The following PTPRB variants were observed in gnomAD, a reference collection of about 807,000 sequenced individuals.
PTPRB encodes the protein receptor-type tyrosine-protein phosphatase beta.
In PTPRB, 97 loss-of-function variants were observed where a neutral mutation model predicts 238.1. That is an observed-to-expected ratio of 0.41 (90% CI 0.35 to 0.48). PTPRB has a LOEUF of 0.48. PTPRB is among the 20% of genes least tolerant of loss of function. The pLI is 0.30. For missense variants in PTPRB, 2,292 were observed against 2,681.9 expected, an observed-to-expected ratio of 0.85 and a Z score of 3.21; for synonymous variants, 970 against 995.4, an observed-to-expected ratio of 0.97 and a Z score of 0.48.
At chr12:70,567,395 C>T (rs11609607) in intron 14 of PTPRB, among the ~76,000 whole-genome samples, 30,295 of 152,066 alleles carry the variant, frequency 0.2, 3,213 homozygotes, top group African/African-American at 0.27. Context: ...ACACTCAAGA[C>T]GTCCAAATTG....
rs768615264 is a variant in PTPRB, at chr12:70,592,595, G to A, written c.1517-50C>T. 8.3e-6 allele frequency: 13 copies of A among 1,558,498 alleles called. No homozygotes were observed. The South Asian group carries it at 1.5e-4, about 18-fold the overall frequency. On this transcript the variant is annotated intron_variant, in intron 6 of 33. Coordinates refer to ENST00000334414, the MANE Select transcript of PTPRB (RefSeq NM_001109754.4). ...GACTTTTACTCAGGATCTCTCACAAGTCCTATGGCCAAATTTTGACCTGTA... is the reference window on the plus strand; with the variant it reads ...GACTTTTACTCAGGATCTCTCACAAATCCTATGGCCAAATTTTGACCTGTA...
intron 3 of PTPRB, chr12:70,609,743 C>T (rs1202309743): frequency 1.3e-6 from 2 of 1,558,618 alleles, no homozygotes; most frequent in South Asian, 2.4e-5. Context: ...AGCTCTGACC[C>T]CTTCTCGGGC....
At chr12:70,564,891 A>G (rs1296282571) in intron 15 of PTPRB, among the ~76,000 whole-genome samples, 1 of 142,244 alleles carries the variant, frequency 7.0e-6, no homozygotes, top group African/African-American at 2.7e-5. Context: ...ATAATAATAA[A>G]TAGATAGATA....
At chr12:70,623,102 G>A (rs1375965676) in intron 2 of PTPRB, among the ~76,000 whole-genome samples, 5 of 152,132 alleles carry the variant, frequency 3.3e-5, no homozygotes, top group South Asian at 2.1e-4. Flanking sequence ...AAAATACCAG[G>A]TTGAGAATCA....
At position 70,622,567 on chromosome 12, in the gene PTPRB, A is replaced by C. The variant is rs538998848; in HGVS notation, c.531T>G (p.Val177=). The change falls in exon 3 of 34, where the codon GTT becomes GTG. Residue 177 remains valine (V), a synonymous_variant. Coordinates refer to ENST00000334414, the MANE Select transcript of PTPRB (RefSeq NM_001109754.4). ...PPQILTTFNA[V]PDGLVFLIRN... The stretch of plus-strand genomic sequence containing the variant: ...TAATAAGGAATACCAGGCCATCTGG[A>C]ACTGCATTAAAGGTAGTGAGAATCT... 20 of 1,599,832 alleles carry C rather than the reference A, an allele frequency of 1.3e-5. No homozygotes were observed. The highest frequency in any genetic ancestry group is 1.2e-4 in the Admixed American group (7 of 57,294).
intron 20 of PTPRB, among the ~76,000 whole-genome samples, chr12:70,554,917 T>G (rs532434419): frequency 6.6e-6 from 1 of 152,352 alleles, no homozygotes; most frequent in South Asian, 2.1e-4. Flanking sequence ...ATCGTTGTGG[T>G]TGCTATTATC....
intron 18 of PTPRB, among the ~76,000 whole-genome samples, chr12:70,557,027 G>A (rs887630117): frequency 6.6e-5 from 10 of 152,170 alleles, no homozygotes; most frequent in Non-Finnish European, 1.5e-4. Flanking sequence ...CAGAAGAAAT[G>A]GTGAGAGAAG....
chr12:70,573,528 A>G (rs1414175319), intron 11 of PTPRB, among the ~76,000 whole-genome samples: 1 of 120,328 alleles, frequency 8.3e-6, no homozygotes, highest in Admixed American at 9.8e-5. Context: ...TTTTTTTGAG[A>G]CAGAATCTCA....
At position 70,519,027 on chromosome 12, in the gene PTPRB, T is replaced by C. The variant is rs1307444756; in HGVS notation, c.*2462A>G. On this transcript the variant is annotated 3_prime_UTR_variant, in exon 34 of 34. Transcript: ENST00000334414. The stretch of plus-strand genomic sequence containing the variant: ...CTAAATTTAATAAATAAGTCAATTA[T>C]ATATTTAGTCTTCCCAGGAGTAGGA... 1 of 152,194 alleles carries C rather than the reference T, an allele frequency of 6.6e-6. No homozygotes were observed. Among genetic ancestry groups the C allele is most frequent in the African/African-American group, 2.4e-5 (1 of 41,460 alleles). The allele number at this position is 152,194 out of a possible 1,614,324, so 9.4% of individuals were successfully genotyped here.
intron 10 of PTPRB, 48 bp downstream of exon 10, chr12:70,580,986 CAT>C: frequency 7.0e-6 from 11 of 1,570,124 alleles, no homozygotes; most frequent in Non-Finnish European, 9.5e-6. Context: ...TTAGGGGTCT[CAT>C]GTACTCAGAT....
chr12:70,536,217 A>G, intron 28 of PTPRB, 58 bp from the exon 29 acceptor site: 1 of 1,549,514 alleles, frequency 6.5e-7, no homozygotes, highest in East Asian at 2.3e-5. Flanking sequence ...AGAACTATAA[A>G]CAAAGAGTTC....
rs1208291943 is a variant in PTPRB, at chr12:70,605,797, A to C, written c.979+3272T>G. Among the ~76,000 whole-genome samples, 5 of 152,188 alleles carry C rather than the reference A, an allele frequency of 3.3e-5. No individual in the cohort carries two copies. The East Asian group carries it at 9.6e-4, about 29-fold the overall frequency. ...CACAAACACTACATGAGCCAAACAC[A>C]ACATAGTTATTATTTAGACACCTAG... On this transcript the variant is annotated intron_variant, in intron 4 of 33. Transcript: ENST00000334414.
chr12:70,566,196 C>T (rs943188835), intron 15 of PTPRB, among the ~76,000 whole-genome samples: 1 of 152,150 alleles, frequency 6.6e-6, no homozygotes, highest in Non-Finnish European at 1.5e-5. Context: ...TTTATTATAG[C>T]AGCAATAGGA....
intron 17 of PTPRB, among the ~76,000 whole-genome samples, 159 bp from the exon 18 acceptor site, chr12:70,559,783 ATT>A (rs1878225555): frequency 1.4e-5 from 2 of 148,088 alleles, no homozygotes; most frequent in Non-Finnish European, 3.0e-5. Flanking sequence ...AATAGTGTTT[ATT>A]ATGTGTAAGG....
At position 70,556,133 on chromosome 12, in the gene PTPRB, T is replaced by C; in HGVS notation, c.4730A>G (p.Gln1577Arg). Residue 1577 changes from glutamine to arginine, a missense_variant, in exon 19 of 34, where the codon CAA (glutamine) becomes CGA (arginine). Transcript: ENST00000334414. ...GSVRTKPDKI[Q>R]NLHCRPQNST... ...GTTCTGAGGCCGGCAATGCAGGTTT[T>C]GTATCTTGTCAGGCTCTAAAGGAAA... 2 of 1,613,446 alleles carry C rather than the reference T, an allele frequency of 1.2e-6. No individual in the cohort carries two copies. The highest frequency in any genetic ancestry group is 1.7e-6 in the Non-Finnish European group (2 of 1,179,524).
chr12:70,521,255 C>T lies in PTPRB; in HGVS notation c.*234G>A. 2.6e-6 allele frequency: 1 copy of T among 391,248 alleles called. No individual in the cohort carries two copies. The highest frequency in any genetic ancestry group is 4.5e-6 in the Non-Finnish European group (1 of 220,762). The allele number at this position is 391,248 out of a possible 1,614,324, so 24.2% of individuals were successfully genotyped here. A position where few individuals can be genotyped will look rare whatever the true frequency, so the allele number is the denominator to read the frequency against. On this transcript the variant is annotated 3_prime_UTR_variant, in exon 34 of 34. Transcript: ENST00000334414. ...TGTGGAAAAATAGTATTATATAAAG[C>T]TTAATATTAAACATTATGAAAAATA...
intron 1 of PTPRB, among the ~76,000 whole-genome samples, chr12:70,636,765 A>G (rs903082177): frequency 6.6e-6 from 1 of 152,216 alleles, no homozygotes; most frequent in African/African-American, 2.4e-5. Flanking sequence ...TTTTCTAAAA[A>G]TCATCATGTG....
rs760546488 is a variant in PTPRB, at chr12:70,592,422, G to A, written c.1640C>T (p.Thr547Ile). 1 of 1,613,762 alleles carries A rather than the reference G, an allele frequency of 6.2e-7. No individual in the cohort carries two copies. The highest frequency in any genetic ancestry group is 8.5e-7 in the Non-Finnish European group (1 of 1,179,844). ...SYNITLSHKG[T>I]IKESRVLAPW... ...TGCTAATACTCTGGATTCCTTGATG[G>A]TCCCTTTGTGAGACAGGGTGATATT... The change falls in exon 7 of 34, where the codon ACC (threonine) becomes ATC (isoleucine). Residue 547 changes from threonine to isoleucine, a missense_variant. Physicochemically the swap from Thr to Ile is moderately conservative, Grantham distance 89. Around this residue, in one of 4 missense-constraint regions of PTPRB, gnomAD observed 1,205 missense variants for 1,287.8 expected, o/e 0.94. Transcript: ENST00000334414.
At position 70,553,067 on chromosome 12, in the gene PTPRB, G is replaced by A. The variant is rs1176826013; in HGVS notation, c.5144-47C>T. The A allele has an allele frequency of 1.9e-6, 3 of 1,568,658 alleles. No individual in the cohort carries two copies. In the Admixed American group the frequency reaches 5.5e-5, roughly 29 times the overall value. ...TAAGGACTGCCTTTCTTGTGACTTA[G>A]GTGATTTCAGTGATTTTAAATTAGG... On this transcript the variant is annotated intron_variant, in intron 20 of 33. Coordinates refer to ENST00000334414, the MANE Select transcript of PTPRB (RefSeq NM_001109754.4).
Sources: allele counts gnomAD v4.1 joint callset (sites outside exome capture counted in the v4.1 genomes callset), GRCh38; gene constraint gnomAD v4.1.1; regional missense constraint gnomAD v4.1.1; transcripts MANE v1.5; gene names NCBI Gene and HGNC (gene_info 2026-07-23, HGNC 2026-07-21).